Variants in ADGRD1 observed in about 807,000 individuals in gnomAD.
ADGRD1 encodes G-protein coupled receptor 133.
In ADGRD1, 77 loss-of-function variants were observed where a neutral mutation model predicts 113.4. The observed-to-expected ratio is 0.68, with a 90% CI of 0.57 to 0.82. The LOEUF (loss-of-function observed/expected upper bound fraction) is 0.82, where lower values mean the gene tolerates loss of function less well. Ranked by LOEUF, ADGRD1 falls within the 40% of genes least tolerant of loss-of-function variation. The pLI, the probability that ADGRD1 is intolerant of heterozygous loss-of-function variation, is 0.00. For missense variants in ADGRD1, 1,036 were observed against 1,139.1 expected (o/e 0.91, Z 1.30); for synonymous variants, 474 against 475.0 (o/e 1.00, Z 0.03).
intron 5 of ADGRD1, 137 bp from the exon 6 acceptor site, chr12:130,986,958 C>T (rs1262651610): frequency 1.4e-6 from 1 of 695,106 alleles, no homozygotes; most frequent in Non-Finnish European, 2.5e-6. Flanking sequence ...CTGTGTTATA[C>T]CTTGTATTAG....
At chr12:131,017,322 CCAGTGCACA>C (rs1878692881) in intron 13 of ADGRD1, among the ~76,000 whole-genome samples, 1 of 138,768 alleles carries the variant, frequency 7.2e-6, no homozygotes, top group Non-Finnish European at 1.6e-5. Context: ...CCACACACAC[CCAGTGCACA>C]CAGTCCACAC....
intron 20 of ADGRD1, among the ~76,000 whole-genome samples, chr12:131,122,224 C>T (rs1026113488): frequency 5.9e-5 from 9 of 152,110 alleles, no homozygotes; most frequent in Non-Finnish European, 1.2e-4. Flanking sequence ...CGCCACGAGC[C>T]GAGGGCAGGG....
At chr12:131,011,574 A>G (rs1299168858) in intron 12 of ADGRD1, among the ~76,000 whole-genome samples, 4 of 152,082 alleles carry the variant, frequency 2.6e-5, no homozygotes, top group Non-Finnish European at 4.4e-5. Context: ...TCCGGGCCCC[A>G]GGGGAATTTC....
At chr12:130,976,494 G>A (rs1872325256) in intron 4 of ADGRD1, among the ~76,000 whole-genome samples, 1 of 152,140 alleles carries the variant, frequency 6.6e-6, no homozygotes, top group Non-Finnish European at 1.5e-5. Flanking sequence ...CTGGGAATCG[G>A]CATTTTTAGC....
At chr12:131,013,479 A>G (rs1307779201) in intron 12 of ADGRD1, among the ~76,000 whole-genome samples, 2 of 151,776 alleles carry the variant, frequency 1.3e-5, no homozygotes, top group Admixed American at 6.6e-5. Context: ...TTCTCCCCCC[A>G]CCTCGCCTTC....
chr12:131,048,187 T>A (rs1883030534), intron 13 of ADGRD1, among the ~76,000 whole-genome samples: 2 of 152,226 alleles, frequency 1.3e-5, no homozygotes, highest in African/African-American at 4.8e-5. Context: ...GCACACAGTG[T>A]GCTGAGTGGA....
At chr12:131,061,114 A>G (rs1206808089) in intron 13 of ADGRD1, among the ~76,000 whole-genome samples, 1 of 152,188 alleles carries the variant, frequency 6.6e-6, no homozygotes, top group Non-Finnish European at 1.5e-5. Context: ...CGGTATAAGT[A>G]TAATGAGGCT....
At chr12:130,964,616 C>G (rs1192849797) in intron 2 of ADGRD1, among the ~76,000 whole-genome samples, 4 of 152,110 alleles carry the variant, frequency 2.6e-5, no homozygotes, top group Non-Finnish European at 5.9e-5. Flanking sequence ...ACCCAGGAGG[C>G]GGAGGTTGCA....
rs541252248 is a variant in ADGRD1, at chr12:130,998,110, C to T, written c.967-2273C>T. Among the ~76,000 whole-genome samples, 1,171 of 151,656 alleles carry T rather than the reference C, an allele frequency of 7.7e-3. 10 individuals carry two copies. The highest frequency in any genetic ancestry group is 0.027 in the African/African-American group (1,120 of 41,314). ...AATCAGGCAGGGAGGTTGCAGTGAG[C>T]CGAGATGGCAGCAGTACAGTCCAGC... On this transcript the variant is annotated intron_variant, in intron 8 of 24. Coordinates refer to ENST00000261654, the MANE Select transcript of ADGRD1 (RefSeq NM_198827.5).
intron 21 of ADGRD1, among the ~76,000 whole-genome samples, chr12:131,133,103 T>C (rs1950979356): frequency 6.6e-6 from 1 of 152,064 alleles, no homozygotes; most frequent in African/African-American, 2.4e-5. Flanking sequence ...TCCTCTTCCA[T>C]TGCTGAGACC....
At chr12:130,991,345 C>T (rs1232140300) in intron 7 of ADGRD1, among the ~76,000 whole-genome samples, 5 of 152,170 alleles carry the variant, frequency 3.3e-5, no homozygotes, top group African/African-American at 9.6e-5. Flanking sequence ...ACGTGGGCGC[C>T]GTGAGTGGGG....
intron 13 of ADGRD1, among the ~76,000 whole-genome samples, chr12:131,031,625 C>T (rs1212766324): frequency 6.6e-6 from 1 of 152,128 alleles, no homozygotes; most frequent in Non-Finnish European, 1.5e-5. Flanking sequence ...TGCCCCTCCC[C>T]TTGAGGCTGC....
Position 131,036,993 on chromosome 12 carries a change from C to G in ADGRD1, c.1473+22653C>G, listed in dbSNP as rs1271014177. 5.4e-4 allele frequency among the ~76,000 whole-genome samples: 74 copies of G among 136,516 alleles called. 1 individual carries two copies. Among genetic ancestry groups the G allele is most frequent in the African/African-American group, 1.8e-3 (67 of 36,412 alleles). 89.6% of individuals were successfully genotyped at this position (136,516 alleles called of 152,430 possible). A position where few individuals can be genotyped will look rare whatever the true frequency, so the allele number is the denominator to read the frequency against. ...CTTACTCACTGCATGGAGCCTCACTCACTGCACCGGGTCTCACTCACTGCA... is the reference window on the plus strand; with the variant it reads ...CTTACTCACTGCATGGAGCCTCACTGACTGCACCGGGTCTCACTCACTGCA... On this transcript the variant is annotated intron_variant, in intron 13 of 24. Transcript: ENST00000261654.
Position 131,139,207 on chromosome 12 carries a change from A to G in ADGRD1, c.2569A>G (p.Ser857Gly). The change falls in exon 25 of 25, where the codon AGC becomes GGC. Residue 857 changes from serine (S) to glycine (G), a missense_variant. Transcript: ENST00000261654. ...GCCAGGCATGGCCTCCACCAAGCTC[A>G]GCCCTTGGGACAAGAGCAGCCACTC... ...TRPGMASTKL[S>G]PWDKSSHSAH... 6.8e-6 allele frequency: 11 copies of G among 1,612,848 alleles called. No individual in the cohort carries two copies. The highest frequency in any genetic ancestry group is 9.3e-6 in the Non-Finnish European group (11 of 1,179,730).
Position 131,057,358 on chromosome 12 carries a change from A to G in ADGRD1, c.1474-19443A>G, listed in dbSNP as rs1309956231. Among the ~76,000 whole-genome samples the G allele has an allele frequency of 2.0e-5, 3 of 152,202 alleles. No homozygotes were observed. The highest frequency in any genetic ancestry group is 7.2e-5 in the African/African-American group (3 of 41,450). ...AGGGGAACGGTGGAGAAAAGGGGCC[A>G]GATGGCAGCGGAGCCGAGTCTGCGC... On this transcript the variant is annotated intron_variant, in intron 13 of 24. Transcript: ENST00000261654. This position sits in a 1 kb window ranked among gnomAD's most constrained non-coding sequence, Gnocchi z 4.2.
rs1951079109 is a variant in ADGRD1, at chr12:131,136,176, GGGACTGGCGGGGAGGCA to G, written c.2394+16_2394+32del. On this transcript the variant is annotated intron_variant, in intron 22 of 24. Coordinates refer to ENST00000261654, the MANE Select transcript of ADGRD1 (RefSeq NM_198827.5). ...CAACTCCCTGCAGGTGAGAGCCGCG[GGGACTGGCGGGGAGGCA>G]GGGCCGCCAGCCATCAGGAGCAGGC... is the stretch of plus-strand genomic sequence containing the variant. 1.2e-6 allele frequency: 2 copies of G among 1,613,354 alleles called. No homozygotes were observed. The highest frequency in any genetic ancestry group is 4.5e-5 in the East Asian group (2 of 44,820).
intron 21 of ADGRD1, among the ~76,000 whole-genome samples, chr12:131,133,319 G>A (rs1458250584): frequency 1.3e-5 from 2 of 152,156 alleles, no homozygotes; most frequent in African/African-American, 4.8e-5. Flanking sequence ...CTGTGCACCT[G>A]CCCCGCACCT....
At chr12:131,108,917 G>T in intron 18 of ADGRD1, 40 bp downstream of exon 18, 1 of 922,518 alleles carries the variant, frequency 1.1e-6, no homozygotes. Context: ...GGGCGGGAGG[G>T]ACAGGAAGAG....
Position 131,014,321 on chromosome 12 carries a change from T to G in ADGRD1, c.1454T>G (p.Val485Gly). 3 of 1,613,894 alleles carry G rather than the reference T, an allele frequency of 1.9e-6. No individual in the cohort carries two copies. Among genetic ancestry groups the G allele is most frequent in the Non-Finnish European group, 2.5e-6 (3 of 1,179,882 alleles). Residue 485 changes from valine (V) to glycine (G), a missense_variant, in exon 13 of 25, where the codon GTC becomes GGC. Coordinates refer to ENST00000261654, the MANE Select transcript of ADGRD1 (RefSeq NM_198827.5). ...QNLSGSPLITVHLKHRLTRKQ... is the reference protein window; with the variant it reads ...QNLSGSPLITGHLKHRLTRKQ... The stretch of plus-strand genomic sequence containing the variant: ...CTGTCGGGCTCTCCACTCATTACGG[T>G]CCACCTCAAGCACAGATTGGTGAGT...
Sources: gnomAD v4.1 joint callset for allele counts (sites outside exome capture counted in the v4.1 genomes callset) on GRCh38, gnomAD v4.1.1 for gene constraint, Gnocchi (gnomAD v3.1) non-coding constraint, MANE v1.5 for transcripts, NCBI Gene and HGNC (gene_info 2026-07-23, HGNC 2026-07-21) for gene names.